The following GRM3 variants were observed in gnomAD, a reference collection of about 807,000 sequenced individuals.
GRM3 encodes the protein glutamate metabotropic receptor 3.
GRM3 carries 26 observed loss-of-function variants against 70.5 expected under a neutral mutation model. The ratio of observed to expected loss-of-function variants is 0.37; its 90% CI spans 0.27 to 0.51. The LOEUF is 0.51. Among genes scored for constraint, GRM3 ranks in the 20% least tolerant of loss-of-function variants. The pLI is 0.93. For synonymous variants in GRM3, 443 were observed against 434.9 expected (o/e 1.02, Z -0.23); for missense variants, 859 against 1,123.8 (o/e 0.76, Z 3.37).
At chr7:86,764,920 C>A in intron 1 of GRM3, 86 bp from the exon 2 acceptor site, 1 of 885,642 alleles carries the variant, frequency 1.1e-6, no homozygotes, top group Non-Finnish European at 1.6e-6. Context: ...TCTGAGTCAT[C>A]CCATTAAAGG....
chr7:86,791,414 T>G (rs997096537), intron 3 of GRM3, among the ~76,000 whole-genome samples: 1 of 152,234 alleles, frequency 6.6e-6, no homozygotes, highest in African/African-American at 2.4e-5. Context: ...TTTAGTTATA[T>G]TCTATCATTT....
At chr7:86,850,653 T>C (rs1201833962) in intron 5 of GRM3, 109 bp downstream of exon 5, 1 of 758,342 alleles carries the variant, frequency 1.3e-6, no homozygotes, top group Non-Finnish European at 2.3e-6. Context: ...CTCAATTCGA[T>C]TTTACTAAGT....
At chr7:86,658,209 C>T (rs1286230513) in intron 1 of GRM3, among the ~76,000 whole-genome samples, 1 of 152,178 alleles carries the variant, frequency 6.6e-6, no homozygotes, top group Non-Finnish European at 1.5e-5. Flanking sequence ...TGGCTACAGC[C>T]AAAATTATCT....
At chr7:86,752,139 C>T (rs999182795) in intron 1 of GRM3, among the ~76,000 whole-genome samples, 1 of 152,102 alleles carries the variant, frequency 6.6e-6, no homozygotes, top group South Asian at 2.1e-4. Context: ...TGCCAGCACT[C>T]GAGAAACCCT....
intron 1 of GRM3, among the ~76,000 whole-genome samples, chr7:86,656,772 A>G (rs143308776): frequency 6.6e-6 from 1 of 152,138 alleles, no homozygotes; most frequent in Admixed American, 6.6e-5. Flanking sequence ...AGTTTAAAAA[A>G]TTACTTTTTA....
At chr7:86,705,667 A>C (rs1198982980) in intron 1 of GRM3, among the ~76,000 whole-genome samples, 2 of 152,066 alleles carry the variant, frequency 1.3e-5, no homozygotes, top group Admixed American at 6.6e-5. Flanking sequence ...CATAATTTTG[A>C]GAAGCACTTT....
intron 1 of GRM3, among the ~76,000 whole-genome samples, chr7:86,659,869 A>T (rs144147187): frequency 6.6e-6 from 1 of 152,022 alleles, no homozygotes; most frequent in African/African-American, 2.4e-5. Flanking sequence ...AGATATTTTA[A>T]TCTTCACATT....
rs2115732466 is a variant in GRM3, at chr7:86,644,650, G to A, written c.-363G>A. 2 of 511,624 alleles carry A rather than the reference G, an allele frequency of 3.9e-6. No homozygotes were observed. The highest frequency in any genetic ancestry group is 7.2e-6 in the Non-Finnish European group (2 of 278,830). 31.7% of individuals were successfully genotyped at this position (511,624 alleles called of 1,614,324 possible). Reference sequence around the variant, plus strand: ...AGTGGTCCAGCGTGCAGCCGGGAGGGGGCAGGGGCAGGGGGCACTGTGACA... The same window carrying A: ...AGTGGTCCAGCGTGCAGCCGGGAGGAGGCAGGGGCAGGGGGCACTGTGACA... On this transcript the variant is annotated 5_prime_UTR_variant, in exon 1 of 6. Coordinates refer to ENST00000361669, the MANE Select transcript of GRM3 (RefSeq NM_000840.3).
intron 5 of GRM3, 58 bp from the exon 6 acceptor site, chr7:86,864,224 A>G (rs189684728): frequency 4.8e-5 from 41 of 858,030 alleles, no homozygotes; most frequent in Admixed American, 4.4e-4. Flanking sequence ...CCTTCATGCT[A>G]TTACCTTTGT....
At chr7:86,862,212 C>T (rs1035529405) in intron 5 of GRM3, among the ~76,000 whole-genome samples, 4 of 152,094 alleles carry the variant, frequency 2.6e-5, no homozygotes, top group Non-Finnish European at 4.4e-5. Flanking sequence ...GTCAAGTAGG[C>T]AGTTGGATAC....
At chr7:86,686,481 CG>C (rs1231207170) in intron 1 of GRM3, among the ~76,000 whole-genome samples, 2 of 152,154 alleles carry the variant, frequency 1.3e-5, no homozygotes, top group African/African-American at 2.4e-5. Flanking sequence ...ATTTCAGAGA[CG>C]TTTTTAAGGA....
Position 86,839,363 on chromosome 7 carries a change from A to G in GRM3, c.1849A>G (p.Ile617Val). 1 of 1,614,048 alleles carries G rather than the reference A, an allele frequency of 6.2e-7. No homozygotes were observed. The highest frequency in any genetic ancestry group is 8.5e-7 in the Non-Finnish European group (1 of 1,179,990). Residue 617 changes from isoleucine to valine, a missense_variant, in exon 4 of 6, where the codon ATC becomes GTC. Ile to Val is a conservative substitution (Grantham distance 29). Coordinates refer to ENST00000361669, the MANE Select transcript of GRM3 (RefSeq NM_000840.3). The surrounding 1 kb of genome is among the most constrained non-coding windows in gnomAD (Gnocchi z 4.5). ...AGCATCGGGCCGAGAACTCTGCTACATCTTATTGTTTGGGGTTGGCCTGTC... is the reference window on the plus strand; with the variant it reads ...AGCATCGGGCCGAGAACTCTGCTACGTCTTATTGTTTGGGGTTGGCCTGTC... ...VKASGRELCY[I>V]LLFGVGLSYC...
At chr7:86,793,427 G>C (rs1469815574) in intron 3 of GRM3, among the ~76,000 whole-genome samples, 1 of 152,210 alleles carries the variant, frequency 6.6e-6, no homozygotes, top group Non-Finnish European at 1.5e-5. Context: ...GTCCCTGAAA[G>C]AGCAAACTGC....
intron 1 of GRM3, among the ~76,000 whole-genome samples, chr7:86,733,223 A>C (rs1462974409): frequency 2.0e-5 from 3 of 151,946 alleles, no homozygotes; most frequent in African/African-American, 7.3e-5. Flanking sequence ...CTGAGGTAGG[A>C]AAATGGCAGG....
At chr7:86,650,701 G>A (rs1281964281) in intron 1 of GRM3, among the ~76,000 whole-genome samples, 1 of 152,160 alleles carries the variant, frequency 6.6e-6, no homozygotes, top group African/African-American at 2.4e-5. Context: ...TATATTTCTT[G>A]GAGTCTGATT....
At chr7:86,801,116 A>G (rs994849613) in intron 3 of GRM3, among the ~76,000 whole-genome samples, 3 of 125,896 alleles carry the variant, frequency 2.4e-5, no homozygotes, top group African/African-American at 9.7e-5. Context: ...TGCCACCCCA[A>G]CTGGAGTGCA....
At chr7:86,697,120 G>T (rs1390224417) in intron 1 of GRM3, among the ~76,000 whole-genome samples, 2 of 152,146 alleles carry the variant, frequency 1.3e-5, no homozygotes, top group African/African-American at 4.8e-5. Context: ...TAGAGAAGGA[G>T]AAGGGAAGTA....
chr7:86,846,107 T>C (rs949768237), intron 4 of GRM3, among the ~76,000 whole-genome samples: 6 of 152,192 alleles, frequency 3.9e-5, no homozygotes, highest in Non-Finnish European at 8.8e-5. Context: ...TGTCTAGATT[T>C]CTTTGCATAC....
At chr7:86,729,295 A>G (rs1227280537) in intron 1 of GRM3, among the ~76,000 whole-genome samples, 1 of 152,176 alleles carries the variant, frequency 6.6e-6, no homozygotes, top group Admixed American at 6.5e-5. Flanking sequence ...TTACTGCTTG[A>G]GGATGTTGGA....
Sources: allele counts gnomAD v4.1 joint callset (sites outside exome capture counted in the v4.1 genomes callset), GRCh38; gene constraint gnomAD v4.1.1; non-coding constraint Gnocchi (gnomAD v3.1); transcripts MANE v1.5; gene names NCBI Gene and HGNC (gene_info 2026-07-23, HGNC 2026-07-21).